The following RAB38 variants were observed in gnomAD, a reference collection of about 807,000 sequenced individuals.
The protein encoded by RAB38 is RAB38, member RAS oncogene family.
A neutral mutation model predicts 18.4 loss-of-function variants in RAB38; 15 were observed. The observed-to-expected ratio is 0.82, with a 90% confidence interval of 0.55 to 1.26. The LOEUF (loss-of-function observed/expected upper bound fraction) is 1.26, where lower values mean the gene tolerates loss of function less well. Among genes scored for constraint, RAB38 ranks in the 50% most tolerant of loss-of-function variants. The pLI, the probability that RAB38 is intolerant of heterozygous loss-of-function variation, is 0.00. For missense variants in RAB38, 294 were observed against 267.4 expected, an observed-to-expected ratio of 1.10 and a Z score of -0.69; for synonymous variants, 101 against 104.4, an observed-to-expected ratio of 0.97 and a Z score of 0.20.
chr11:87,906,414 G>A, the RAB38 span, among the ~76,000 whole-genome samples: 3 of 151,886 alleles, frequency 2.0e-5, no homozygotes, highest in African/African-American at 7.2e-5. Flanking sequence ...GAGTTTTGCT[G>A]TCATCTTTAA....
the RAB38 span, chr11:87,817,618 T>C: frequency 6.6e-6 from 1 of 152,158 alleles, no homozygotes; most frequent in Non-Finnish European, 1.5e-5. Flanking sequence ...TTAGGATAAA[T>C]AAAGCCTTTA....
rs202125218 is a variant in RAB38, at chr11:88,148,185, G to A, written c.483+1490C>T. 2.6e-5 allele frequency among the ~76,000 whole-genome samples: 4 copies of A among 152,078 alleles called. No individual in the cohort carries two copies. In the East Asian group the frequency reaches 5.8e-4, roughly 22 times the overall value. On this transcript the variant is annotated intron_variant, in intron 2 of 2. Coordinates refer to ENST00000243662, the MANE Select transcript of RAB38 (RefSeq NM_022337.3). ...TCTCAAAAGGAAGACAAGAACTCTCGCAACTGAGCAATAACAACTTTCCAA... is the reference window on the plus strand; with the variant it reads ...TCTCAAAAGGAAGACAAGAACTCTCACAACTGAGCAATAACAACTTTCCAA...
At chr11:88,043,721 C>T in the RAB38 span, among the ~76,000 whole-genome samples, 22 of 152,106 alleles carry the variant, frequency 1.4e-4, 1 homozygote, top group East Asian at 1.8e-3. Context: ...AGACTCAGCC[C>T]GCCTGCACCC....
the RAB38 span, among the ~76,000 whole-genome samples, chr11:88,031,868 G>A: frequency 6.6e-6 from 1 of 152,084 alleles, no homozygotes. Context: ...TCACAGAATT[G>A]GAAAAAACTA....
chr11:87,973,759 T>C, the RAB38 span, among the ~76,000 whole-genome samples: 5 of 146,320 alleles, frequency 3.4e-5, no homozygotes, highest in African/African-American at 1.2e-4. Flanking sequence ...GAGACCTAAA[T>C]GAAAATGCCA....
the RAB38 span, among the ~76,000 whole-genome samples, chr11:87,935,162 GA>G: frequency 6.6e-6 from 1 of 152,098 alleles, no homozygotes; most frequent in Non-Finnish European, 1.5e-5. Flanking sequence ...ACAAGTTACT[GA>G]AAGTTAAATA....
At chr11:88,036,571 T>G in the RAB38 span, among the ~76,000 whole-genome samples, 2 of 152,074 alleles carry the variant, frequency 1.3e-5, no homozygotes, top group Non-Finnish European at 2.9e-5. Flanking sequence ...TCTGTGCATT[T>G]CCTTTTTTCT....
chr11:88,100,311 GA>G, the RAB38 span, among the ~76,000 whole-genome samples: 43 of 152,022 alleles, frequency 2.8e-4, 1 homozygote, highest in East Asian at 1.9e-3. Context: ...AACATAAATC[GA>G]AAACATTTGT....
chr11:87,947,208 C>G, the RAB38 span, among the ~76,000 whole-genome samples: 7 of 149,296 alleles, frequency 4.7e-5, no homozygotes, highest in South Asian at 4.4e-4. Context: ...AGTGTCTGTT[C>G]ATATCCTTCA....
At chr11:87,915,859 T>C in the RAB38 span, among the ~76,000 whole-genome samples, 1 of 152,102 alleles carries the variant, frequency 6.6e-6, no homozygotes, top group Non-Finnish European at 1.5e-5. Context: ...CTTGAGGCCT[T>C]GGGAGTCCAC....
At chr11:88,111,901 A>G (rs1381517306), downstream of RAB38, among the ~76,000 whole-genome samples, 2 of 152,186 alleles carry the variant, frequency 1.3e-5, no homozygotes, top group Non-Finnish European at 2.9e-5. Flanking sequence ...TCCCACTTCT[A>G]TGAGACCCTG....
At chr11:87,840,423 G>A in the RAB38 span, among the ~76,000 whole-genome samples, 3 of 152,126 alleles carry the variant, frequency 2.0e-5, no homozygotes, top group South Asian at 6.2e-4. Flanking sequence ...ATTGGATTTC[G>A]CTAAGTGATC....
At chr11:88,126,610 T>C (rs2134787814) in intron 2 of RAB38, among the ~76,000 whole-genome samples, 1 of 151,954 alleles carries the variant, frequency 6.6e-6, no homozygotes, top group East Asian at 1.9e-4. Context: ...AAATGATGAG[T>C]TAATGGGTGC....
At chr11:88,046,980 T>C in the RAB38 span, among the ~76,000 whole-genome samples, 4 of 152,168 alleles carry the variant, frequency 2.6e-5, no homozygotes, top group African/African-American at 9.7e-5. Flanking sequence ...CCATGCCCTG[T>C]AGCCTTTTTA....
the RAB38 span, among the ~76,000 whole-genome samples, chr11:87,806,408 C>G: frequency 1.3e-5 from 2 of 152,090 alleles, no homozygotes; most frequent in African/African-American, 4.8e-5. Context: ...CCTGAGGTCT[C>G]TTTTATAAGG....
chr11:88,003,980 C>T, the RAB38 span, among the ~76,000 whole-genome samples: 1 of 120,432 alleles, frequency 8.3e-6, no homozygotes, highest in African/African-American at 3.1e-5. Context: ...AAGGTATATG[C>T]ATATAGGTAT....
the RAB38 span, among the ~76,000 whole-genome samples, chr11:87,824,950 GA>G: frequency 2.6e-5 from 4 of 152,040 alleles, no homozygotes; most frequent in Non-Finnish European, 5.9e-5. Flanking sequence ...TGAAATTTCA[GA>G]ACACCTGGAA....
the RAB38 span, among the ~76,000 whole-genome samples, chr11:88,089,495 C>G: frequency 6.6e-6 from 1 of 151,876 alleles, no homozygotes; most frequent in African/African-American, 2.4e-5. Flanking sequence ...TAATATATTT[C>G]CTGAGTGCCT....
the RAB38 span, among the ~76,000 whole-genome samples, chr11:87,814,039 C>T: frequency 4.5e-4 from 69 of 152,134 alleles, no homozygotes; most frequent in African/African-American, 1.3e-3. Flanking sequence ...AATAGAAAGG[C>T]CAGGAGCAAA....
Sources: gnomAD v4.1 joint callset for allele counts (sites outside exome capture counted in the v4.1 genomes callset) on GRCh38, gnomAD v4.1.1 for gene constraint, MANE v1.5 for transcripts, NCBI Gene and HGNC (gene_info 2026-07-23, HGNC 2026-07-21) for gene names.